Variants in ADAMTS19 observed in about 807,000 individuals in gnomAD.
ADAMTS19 encodes the protein A disintegrin and metalloproteinase with thrombospondin motifs 19.
Under a neutral mutation model 153.3 loss-of-function variants are expected in ADAMTS19, and 93 were observed. The ratio of observed to expected loss-of-function variants is 0.61; its 90% CI spans 0.51 to 0.72. The LOEUF is 0.72. ADAMTS19 is among the 30% of genes least tolerant of loss of function. ADAMTS19 has a pLI of 0.00. For synonymous variants in ADAMTS19, 600 were observed against 556.6 expected (o/e 1.08, Z -1.10); for missense variants, 1,482 against 1,552.1 (o/e 0.95, Z 0.76).
chr5:129,716,903 C>T lies in ADAMTS19; in HGVS notation c.3312+12512C>T, dbSNP rs1379984815. ...AAAGCTTTCTGTATTGTAACCTAAC[C>T]TACGTCTCCAGAATTTTCTCATCAT... is the stretch of plus-strand genomic sequence containing the variant. On this transcript the variant is annotated intron_variant, in intron 21 of 22. Coordinates refer to ENST00000274487, the MANE Select transcript of ADAMTS19 (RefSeq NM_133638.6). Among the ~76,000 whole-genome samples the T allele has an allele frequency of 2.6e-5, 4 of 152,180 alleles. No individual in the cohort carries two copies. In the East Asian group the frequency reaches 7.7e-4, roughly 29 times the overall value.
At chr5:129,551,583 A>G (rs994245535) in intron 6 of ADAMTS19, among the ~76,000 whole-genome samples, 1 of 151,716 alleles carries the variant, frequency 6.6e-6, no homozygotes, top group Non-Finnish European at 1.5e-5. Context: ...AAACAATAGA[A>G]TACTGTAAAA....
chr5:129,720,615 C>T (rs1205513746), intron 21 of ADAMTS19, among the ~76,000 whole-genome samples: 1 of 152,136 alleles, frequency 6.6e-6, no homozygotes, highest in Non-Finnish European at 1.5e-5. Context: ...TTGTTGGCTG[C>T]TTGCTGGATA....
In ADAMTS19 at chr5:129,712,723, C is replaced by T. The variant is rs192097623; in HGVS notation, c.3312+8332C>T. 7.2e-5 allele frequency among the ~76,000 whole-genome samples: 11 copies of T among 152,050 alleles called. No individual in the cohort carries two copies. In the East Asian group the frequency reaches 1.9e-3, roughly 27 times the overall value. The stretch of plus-strand genomic sequence containing the variant: ...AGTCAAGTACATTGGCTGATATGAT[C>T]GATCAGAGCAGAAATACATTAACTT... On this transcript the variant is annotated intron_variant, in intron 21 of 22. Coordinates refer to ENST00000274487, the MANE Select transcript of ADAMTS19 (RefSeq NM_133638.6).
At chr5:129,530,826 A>T (rs186244782) in intron 6 of ADAMTS19, among the ~76,000 whole-genome samples, 1 of 152,240 alleles carries the variant, frequency 6.6e-6, no homozygotes, top group East Asian at 1.9e-4. Context: ...GGAAAAAAAA[A>T]AAAGGAAAAG....
chr5:129,707,394 CT>C (rs1008736275), intron 21 of ADAMTS19, among the ~76,000 whole-genome samples: 8 of 152,100 alleles, frequency 5.3e-5, no homozygotes, highest in African/African-American at 1.9e-4. Context: ...AATATAAGTG[CT>C]TTTTTCCTTA....
chr5:129,465,875 A>G (rs1192512719), intron 2 of ADAMTS19, among the ~76,000 whole-genome samples: 1 of 152,250 alleles, frequency 6.6e-6, no homozygotes, highest in African/African-American at 2.4e-5. Flanking sequence ...TCATCAGGAC[A>G]TCAGATATTT....
chr5:129,602,322 C>T (rs546927472), intron 8 of ADAMTS19, among the ~76,000 whole-genome samples: 331 of 152,206 alleles, frequency 2.2e-3, no homozygotes, highest in African/African-American at 7.6e-3. Context: ...AACTCCCGAC[C>T]TCAGGTGATC....
intron 21 of ADAMTS19, among the ~76,000 whole-genome samples, chr5:129,715,409 T>G (rs1756680209): frequency 6.6e-6 from 1 of 152,230 alleles, no homozygotes; most frequent in Non-Finnish European, 1.5e-5. Flanking sequence ...ATATCTGGTT[T>G]GAATTCTGTA....
At chr5:129,518,371 TG>T (rs1751683442) in intron 3 of ADAMTS19, among the ~76,000 whole-genome samples, 1 of 152,144 alleles carries the variant, frequency 6.6e-6, no homozygotes, top group African/African-American at 2.4e-5. Context: ...AAGCATTTTT[TG>T]TAGGACAGGT....
intron 17 of ADAMTS19, among the ~76,000 whole-genome samples, chr5:129,680,573 A>T (rs562492491): frequency 2.2e-4 from 34 of 152,170 alleles, no homozygotes; most frequent in African/African-American, 7.7e-4. Flanking sequence ...CCTGACCAAC[A>T]CGCTGAAACT....
At position 129,675,992 on chromosome 5, in the gene ADAMTS19, G is replaced by A. The variant is rs147710008; in HGVS notation, c.2507-3772G>A. Among the ~76,000 whole-genome samples, 25 of 152,150 alleles carry A rather than the reference G, an allele frequency of 1.6e-4. No individual in the cohort carries two copies. The East Asian group carries it at 2.5e-3, about 15-fold the overall frequency. On this transcript the variant is annotated intron_variant, in intron 16 of 22. Transcript: ENST00000274487. ...GCAATGACCTCTGCAATGAGATGGC[G>A]CCACTGCACTCCAATCTGGGTGACA...
chr5:129,584,090 G>T (rs767492914), intron 7 of ADAMTS19, among the ~76,000 whole-genome samples: 12 of 151,878 alleles, frequency 7.9e-5, no homozygotes, highest in Non-Finnish European at 1.5e-4. Flanking sequence ...CTTCAGATGG[G>T]GTCTCTGACT....
intron 15 of ADAMTS19, among the ~76,000 whole-genome samples, chr5:129,663,392 C>T (rs996124995): frequency 3.9e-5 from 6 of 152,120 alleles, no homozygotes; most frequent in Non-Finnish European, 8.8e-5. Flanking sequence ...TTACAGAGTT[C>T]TTACTGGATG....
intron 21 of ADAMTS19, among the ~76,000 whole-genome samples, chr5:129,724,782 T>G (rs912429640): frequency 2.0e-5 from 3 of 152,110 alleles, no homozygotes; most frequent in African/African-American, 7.2e-5. Context: ...CATGAGAGAT[T>G]GGTTGGACCC....
At chr5:129,602,179 G>T (rs1967971) in intron 8 of ADAMTS19, among the ~76,000 whole-genome samples, 1 of 151,458 alleles carries the variant, frequency 6.6e-6, no homozygotes, top group Non-Finnish European at 1.5e-5. Context: ...CGCAACCTCT[G>T]CCTCCTGGGT....
chr5:129,603,338 C>T (rs1202577570), intron 8 of ADAMTS19, among the ~76,000 whole-genome samples: 1 of 152,094 alleles, frequency 6.6e-6, no homozygotes, highest in African/African-American at 2.4e-5. Context: ...TTTTGTGAAG[C>T]ATGTAGACAT....
intron 7 of ADAMTS19, among the ~76,000 whole-genome samples, chr5:129,552,288 A>T (rs922112865): frequency 3.3e-5 from 5 of 151,702 alleles, no homozygotes; most frequent in Admixed American, 2.0e-4. Context: ...ATGCTTAAAG[A>T]CCTTCGCAGA....
At chr5:129,593,241 T>C (rs1750227737) in intron 7 of ADAMTS19, among the ~76,000 whole-genome samples, 1 of 152,164 alleles carries the variant, frequency 6.6e-6, no homozygotes, top group South Asian at 2.1e-4. Context: ...AAAGCTGTGA[T>C]TGATCTTGAT....
chr5:129,577,519 G>A (rs1012246268), intron 7 of ADAMTS19, among the ~76,000 whole-genome samples: 2 of 152,094 alleles, frequency 1.3e-5, no homozygotes, highest in African/African-American at 4.8e-5. Context: ...ATCAAGAAAT[G>A]TCTCACTGAA....
Sources: allele counts gnomAD v4.1 joint callset (sites outside exome capture counted in the v4.1 genomes callset), GRCh38; gene constraint gnomAD v4.1.1; transcripts MANE v1.5; gene names NCBI Gene and HGNC (gene_info 2026-07-23, HGNC 2026-07-21).